Variants in ARHGEF9 observed in about 807,000 individuals in gnomAD.
The protein encoded by ARHGEF9 is Cdc42 guanine nucleotide exchange factor 9.
In ARHGEF9, 2 loss-of-function variants were observed where a neutral mutation model predicts 41.3. That is an observed-to-expected ratio of 0.05 (90% confidence interval 0.02 to 0.15). The LOEUF (loss-of-function observed/expected upper bound fraction) is 0.15. ARHGEF9 is among the 10% of genes least tolerant of loss of function. ARHGEF9 has a pLI of 1.00. For missense variants in ARHGEF9, 225 were observed against 424.7 expected (o/e 0.53, Z 4.13); for synonymous variants, 160 against 154.4 (o/e 1.04, Z -0.27).
intron 1 of ARHGEF9, among the ~76,000 whole-genome samples, chrX:63,755,520 A>C (rs1185231329): frequency 9.0e-6 from 1 of 110,996 alleles, no homozygotes; most frequent in African/African-American, 3.3e-5. Context: ...AGGAGGAAGG[A>C]GAAGAGAGGG....
chrX:63,719,270 C>T (rs782491635), intron 2 of ARHGEF9, among the ~76,000 whole-genome samples: 3 of 112,146 alleles, frequency 2.7e-5, no homozygotes, highest in East Asian at 5.6e-4. Context: ...CTTATGAACA[C>T]TTTGAAGCTT....
In ARHGEF9 at chrX:63,637,884, G is replaced by GTC; in HGVS notation, c.*143_*144insGA. On this transcript the variant is annotated 3_prime_UTR_variant, in exon 10 of 10. Coordinates refer to ENST00000671741, the MANE Select transcript of ARHGEF9 (RefSeq NM_001353921.2). Reference sequence around the variant, plus strand: ...TGTGTGTGTGTGTGTGTGTGTGTCTGTGTGTGTGTGTGTGTATGTGTACTC... The same window carrying GTC: ...TGTGTGTGTGTGTGTGTGTGTGTCTGTCTGTGTGTGTGTGTGTATGTGTACTC... The GTC allele has an allele frequency of 4.5e-6, 1 of 220,917 alleles. No individual in the cohort carries two copies. The highest frequency in any genetic ancestry group is 8.2e-6 in the Non-Finnish European group (1 of 122,117). The allele number at this position is 220,917 out of a possible 1,213,427, so 18.2% of individuals were successfully genotyped here.
chrX:63,763,468 C>T (rs1255522590), intron 1 of ARHGEF9, among the ~76,000 whole-genome samples: 5 of 102,014 alleles, frequency 4.9e-5, no homozygotes, highest in Non-Finnish European at 1.0e-4. Context: ...CCCCTCCCTC[C>T]ACCCCGTGCT....
chrX:63,657,420 C>G (rs1321228366), intron 7 of ARHGEF9: 1 of 111,901 alleles, frequency 8.9e-6, no homozygotes, highest in Non-Finnish European at 1.9e-5. Context: ...CAAGGTTTCC[C>G]AGCATAGCTC....
Position 63,697,308 on chromosome X carries a change from T to G in ARHGEF9, c.403-4A>C, listed in dbSNP as rs782816426. 48 of 1,208,604 alleles carry G rather than the reference T, an allele frequency of 4.0e-5. No individual in the cohort carries two copies. The highest frequency in any genetic ancestry group is 5.0e-5 in the Non-Finnish European group (45 of 894,267). On this transcript the variant is annotated splice_region_variant and splice_polypyrimidine_tract_variant and intron_variant, in intron 3 of 9. Transcript: ENST00000671741. ...TCCGGCACTGCTTCAGATAGCCCTG[T>G]AGACAAAGAAAAAGCCTAGGCTGAG... is the stretch of plus-strand genomic sequence containing the variant.
intron 4 of ARHGEF9, among the ~76,000 whole-genome samples, chrX:63,693,263 A>T (rs1335121071): frequency 1.8e-5 from 2 of 112,146 alleles, no homozygotes; most frequent in Non-Finnish European, 3.8e-5. Context: ...TGCCCCCAAC[A>T]CAAATAAATG....
intron 7 of ARHGEF9, among the ~76,000 whole-genome samples, chrX:63,663,760 C>T (rs1211390316): frequency 8.9e-6 from 1 of 112,227 alleles, no homozygotes; most frequent in Non-Finnish European, 1.9e-5. Context: ...CTCTGCATAC[C>T]TTCTTTTGGT....
At chrX:63,739,959 T>C (rs782032564) in intron 1 of ARHGEF9, among the ~76,000 whole-genome samples, 85 of 111,699 alleles carry the variant, frequency 7.6e-4, no homozygotes, top group African/African-American at 2.5e-3. Flanking sequence ...TTGAACTACA[T>C]AGTCTAGTTT....
intron 8 of ARHGEF9, among the ~76,000 whole-genome samples, chrX:63,650,118 A>G (rs1420522674): frequency 9.0e-6 from 1 of 111,601 alleles, no homozygotes; most frequent in Non-Finnish European, 1.9e-5. Flanking sequence ...AAACAGTAGA[A>G]AAGTTCCTAA....
intron 2 of ARHGEF9, among the ~76,000 whole-genome samples, chrX:63,708,008 CTCCATTA>C (rs1556403957): frequency 5.2e-4 from 58 of 112,003 alleles, no homozygotes; most frequent in Non-Finnish European, 9.8e-4. Flanking sequence ...TCTGCAAGTG[CTCCATTA>C]TAAATATCTT....
At chrX:63,711,880 T>G (rs1350660029) in intron 2 of ARHGEF9, among the ~76,000 whole-genome samples, 3 of 112,464 alleles carry the variant, frequency 2.7e-5, no homozygotes, top group Non-Finnish European at 5.6e-5. Context: ...TATCTGCATA[T>G]CATATATCTG....
chrX:63,648,354 T>C (rs782536319), intron 8 of ARHGEF9, among the ~76,000 whole-genome samples: 1 of 110,848 alleles, frequency 9.0e-6, no homozygotes, highest in South Asian at 3.9e-4. Context: ...CAAACTAAGC[T>C]TCATAAGTGA....
At chrX:63,749,766 G>A (rs782307804) in intron 1 of ARHGEF9, among the ~76,000 whole-genome samples, 26 of 112,537 alleles carry the variant, frequency 2.3e-4, no homozygotes, top group Non-Finnish European at 3.2e-4. Context: ...CTGATAAGGA[G>A]TTATTAGTAT....
intron 4 of ARHGEF9, among the ~76,000 whole-genome samples, chrX:63,681,608 A>G (rs1383799727): frequency 1.8e-5 from 2 of 111,605 alleles, no homozygotes; most frequent in Non-Finnish European, 1.9e-5. Flanking sequence ...AAAAAGTTCT[A>G]AGAGGGGCGT....
At chrX:63,774,752 A>G (rs2056263326) in intron 1 of ARHGEF9, among the ~76,000 whole-genome samples, 1 of 111,808 alleles carries the variant, frequency 8.9e-6, no homozygotes, top group Admixed American at 9.6e-5. Context: ...ACTATTCTGG[A>G]CATAGGCCCT....
chrX:63,635,259 T>G lies in ARHGEF9; in HGVS notation c.*2769A>C. 2.0e-6 allele frequency: 1 copy of G among 491,041 alleles called. No homozygotes were observed. Among genetic ancestry groups the G allele is most frequent in the Non-Finnish European group, 3.7e-6 (1 of 273,353 alleles). The allele number at this position is 491,041 out of a possible 1,213,427, so 40.5% of individuals were successfully genotyped here. A position where few individuals can be genotyped will look rare whatever the true frequency, so the allele number is the denominator to read the frequency against. On this transcript the variant is annotated 3_prime_UTR_variant, in exon 10 of 10. Coordinates refer to ENST00000671741, the MANE Select transcript of ARHGEF9 (RefSeq NM_001353921.2). ...ACTCTCTTGTTGCTGTTCTTATAGA[T>G]CCATTAGAAATATACACATAGAGAG...
intron 2 of ARHGEF9, among the ~76,000 whole-genome samples, chrX:63,717,107 G>A (rs781936344): frequency 3.6e-5 from 4 of 112,151 alleles, no homozygotes; most frequent in Admixed American, 1.9e-4. Flanking sequence ...GGACCAATGG[G>A]CAGAATGTTC....
intron 3 of ARHGEF9, among the ~76,000 whole-genome samples, chrX:63,701,155 A>G (rs1178255557): frequency 9.0e-6 from 1 of 111,306 alleles, no homozygotes; most frequent in Non-Finnish European, 1.9e-5. Context: ...AACAATACCC[A>G]AGATCTCCAG....
intron 1 of ARHGEF9, among the ~76,000 whole-genome samples, chrX:63,734,451 C>T (rs1164659783): frequency 8.9e-6 from 1 of 112,177 alleles, no homozygotes; most frequent in East Asian, 2.8e-4. Context: ...CAGACCCCTG[C>T]TCAGAACCAC....
Sources: allele counts gnomAD v4.1 joint callset (sites outside exome capture counted in the v4.1 genomes callset), GRCh38; gene constraint gnomAD v4.1.1; transcripts MANE v1.5; gene names NCBI Gene and HGNC (gene_info 2026-07-23, HGNC 2026-07-21).